The following BRF1 variants were observed in gnomAD, a reference collection of about 807,000 sequenced individuals.
The protein encoded by BRF1 is BRF1 general transcription factor IIIB subunit.
BRF1 carries 59 observed loss-of-function variants against 81.7 expected under a neutral mutation model. The observed-to-expected ratio is 0.72, with a 90% CI of 0.59 to 0.90. The LOEUF is 0.90. Among genes scored for constraint, BRF1 ranks in the 40% least tolerant of loss-of-function variants. The probability of loss-of-function intolerance (pLI) is 0.00; values close to 1 mark genes in which losing one functional copy is unlikely to be tolerated. For missense variants in BRF1, 1,050 were observed against 936.3 expected, an observed-to-expected ratio of 1.12 and a Z score of -1.58; for synonymous variants, 491 against 395.6, an observed-to-expected ratio of 1.24 and a Z score of -2.86.
At chr14:105,256,106 C>CA in intron 4 of BRF1, 1 of 1,207,158 alleles carries the variant, frequency 8.3e-7, no homozygotes. Context: ...GCCTGGGTGA[C>CA]AGAGCGAGAC....
intron 14 of BRF1, among the ~76,000 whole-genome samples, chr14:105,218,595 G>A (rs1371812247): frequency 6.6e-6 from 1 of 152,230 alleles, no homozygotes; most frequent in African/African-American, 2.4e-5. Context: ...TTCCGCCAGA[G>A]AGTAAGCTGG....
In BRF1 at chr14:105,209,531, C is replaced by T; in HGVS notation, c.*1020G>A. On this transcript the variant is annotated 3_prime_UTR_variant, in exon 18 of 18. Coordinates refer to ENST00000547530, the MANE Select transcript of BRF1 (RefSeq NM_001519.4). ...CCCCTCCTAAGGACACAGGGTGAAG[C>T]CCCCTCGGCCACATCCGGGGCAGCC... The T allele has an allele frequency of 4.3e-6, 3 of 702,540 alleles. No homozygotes were observed. The highest frequency in any genetic ancestry group is 5.2e-6 in the Non-Finnish European group (2 of 384,820). The allele number at this position is 702,540 out of a possible 1,614,324, so 43.5% of individuals were successfully genotyped here.
chr14:105,245,217 C>T (rs1208357053), intron 5 of BRF1, among the ~76,000 whole-genome samples: 3 of 151,928 alleles, frequency 2.0e-5, no homozygotes, highest in Non-Finnish European at 4.4e-5. Flanking sequence ...AAAAATTAGC[C>T]GGGCATGGTG....
intron 2 of BRF1, among the ~76,000 whole-genome samples, chr14:105,280,608 C>T (rs2057032851): frequency 6.6e-6 from 1 of 152,058 alleles, no homozygotes; most frequent in Non-Finnish European, 1.5e-5. Flanking sequence ...GATCCTGAGC[C>T]CGCGTGTGCA....
In BRF1 at chr14:105,209,911, A is replaced by T; in HGVS notation, c.*640T>A. ...GCTCCAGGCGGTGCAGGCAGCGGGG[A>T]GGGGGGTCTGGAGGAGGCAGGGGTG... On this transcript the variant is annotated 3_prime_UTR_variant, in exon 18 of 18. Coordinates refer to ENST00000547530, the MANE Select transcript of BRF1 (RefSeq NM_001519.4). 13 of 344,100 alleles carry T rather than the reference A, an allele frequency of 3.8e-5. No homozygotes were observed. The highest frequency in any genetic ancestry group is 8.8e-5 in the South Asian group (1 of 11,310). 21.3% of individuals were successfully genotyped at this position (344,100 alleles called of 1,614,324 possible). A position where few individuals can be genotyped will look rare whatever the true frequency, so the allele number is the denominator to read the frequency against.
chr14:105,304,419 C>T (rs745806505), upstream of BRF1, among the ~76,000 whole-genome samples: 10 of 152,052 alleles, frequency 6.6e-5, no homozygotes, highest in Admixed American at 1.3e-4. Flanking sequence ...ACCTGGGAGG[C>T]GGGAGTTGTG....
intron 3 of BRF1, among the ~76,000 whole-genome samples, chr14:105,258,315 C>T (rs1162731854): frequency 2.6e-5 from 4 of 151,662 alleles, no homozygotes; most frequent in Non-Finnish European, 5.9e-5. Flanking sequence ...GGTGAAACCC[C>T]GTCTCTACTA....
At chr14:105,275,924 GCGGCCC>G (rs2056862591) in intron 2 of BRF1, among the ~76,000 whole-genome samples, 5 of 151,964 alleles carry the variant, frequency 3.3e-5, no homozygotes, top group Non-Finnish European at 7.4e-5. Flanking sequence ...GAGCTGAGAG[GCGGCCC>G]TCACTAGAGA....
intron 15 of BRF1, 199 bp downstream of exon 15, chr14:105,217,345 G>T: frequency 2.4e-6 from 2 of 826,098 alleles, no homozygotes; most frequent in Admixed American, 2.9e-5. Context: ...TCCGCTCACA[G>T]CCTGCCAGGC....
chr14:105,308,676 T>G (rs372086321), intron 1 of BRF1, among the ~76,000 whole-genome samples: 100 of 151,942 alleles, frequency 6.6e-4, no homozygotes, highest in African/African-American at 2.4e-3. Flanking sequence ...AGAGACAGGG[T>G]TTCACCATGT....
At position 105,315,069 on chromosome 14, in the gene BRF1, C is replaced by A. The variant is rs868423714; in HGVS notation, c.-162+253G>T. The A allele has an allele frequency of 1.8e-6, 2 of 1,127,570 alleles. No individual in the cohort carries two copies. Among genetic ancestry groups the A allele is most frequent in the African/African-American group, 3.3e-5 (2 of 59,968 alleles). The allele number at this position is 1,127,570 out of a possible 1,614,324, so 69.8% of individuals were successfully genotyped here. A position where few individuals can be genotyped will look rare whatever the true frequency, so the allele number is the denominator to read the frequency against. ...GCCGCCCGCCGCGCTTTGTTCCCGC[C>A]GGGCACCTGCTGGGGGTGTCCTGGC... On this transcript the variant is annotated intron_variant, in intron 1 of 17. Coordinates refer to the BRF1 transcript ENST00000327359. This position sits in a 1 kb window ranked among gnomAD's most constrained non-coding sequence, Gnocchi z 4.4.
intron 1 of BRF1, among the ~76,000 whole-genome samples, chr14:105,296,071 A>G (rs1190992128): frequency 7.0e-5 from 8 of 114,262 alleles, no homozygotes; most frequent in African/African-American, 3.1e-4. Flanking sequence ...ACAGAGCGAC[A>G]CTCTATCTCA....
chr14:105,250,460 G>C, intron 5 of BRF1: 1 of 1,613,988 alleles, frequency 6.2e-7, no homozygotes, highest in Admixed American at 1.7e-5. Context: ...CACCTTCCCG[G>C]TCTGGTTTGA....
chr14:105,267,474 T>G lies in BRF1; in HGVS notation c.439+5247A>C, dbSNP rs587602135. Among the ~76,000 whole-genome samples the G allele has an allele frequency of 4.0e-5, 6 of 151,816 alleles. No homozygotes were observed. The South Asian group carries it at 8.4e-4, about 21-fold the overall frequency. On this transcript the variant is annotated intron_variant, in intron 3 of 17. Coordinates refer to ENST00000547530, the MANE Select transcript of BRF1 (RefSeq NM_001519.4). ...ACACACCACCAGCTGGATTTTTTTT[T>G]TTGTTTTCTTTTTCTTTTGTAGAGA...
At chr14:105,281,005 T>C (rs587673644) in intron 2 of BRF1, among the ~76,000 whole-genome samples, 76 of 142,936 alleles carry the variant, frequency 5.3e-4, no homozygotes, top group Admixed American at 2.1e-3. Context: ...GGTGTGTGGA[T>C]ACAGCCTGCG....
chr14:105,273,597 C>T (rs1004487513), intron 2 of BRF1, among the ~76,000 whole-genome samples: 9 of 152,216 alleles, frequency 5.9e-5, no homozygotes, highest in Admixed American at 1.3e-4. Flanking sequence ...AACTCTGCCC[C>T]AGCCACTTTG....
intron 1 of BRF1, 65 bp from the exon 2 acceptor site, chr14:105,286,441 A>G (rs763382241): frequency 4.7e-6 from 7 of 1,482,262 alleles, no homozygotes; most frequent in Non-Finnish European, 6.5e-6. Flanking sequence ...CCCTTTCCTA[A>G]CATCCACAGA....
chr14:105,211,570 A>G, intron 16 of BRF1: 1 of 494,562 alleles, frequency 2.0e-6, no homozygotes, highest in Non-Finnish European at 3.6e-6. Context: ...GGGAGCATGC[A>G]GAACACCTTT....
intron 1 of BRF1, among the ~76,000 whole-genome samples, chr14:105,297,057 C>A (rs1032104998): frequency 1.3e-5 from 2 of 151,874 alleles, no homozygotes; most frequent in African/African-American, 4.8e-5. Context: ...ACTTGGGAGG[C>A]TGAGGCACGA....
Sources: allele counts gnomAD v4.1 joint callset (sites outside exome capture counted in the v4.1 genomes callset), GRCh38; gene constraint gnomAD v4.1.1; non-coding constraint Gnocchi (gnomAD v3.1); transcripts MANE v1.5; gene names NCBI Gene and HGNC (gene_info 2026-07-23, HGNC 2026-07-21).